MITF: variants seen among roughly 807,000 people sequenced by gnomAD.
The protein encoded by MITF is microphthalmia-associated transcription factor.
Under a neutral mutation model 60.5 loss-of-function variants are expected in MITF, and 17 were observed. That is an observed-to-expected ratio of 0.28 (90% CI 0.19 to 0.42). MITF has a LOEUF of 0.42. Ranked by LOEUF, MITF falls within the 10% of genes least tolerant of loss-of-function variation. The pLI is 1.00. For missense variants in MITF, 622 were observed against 683.5 expected (o/e 0.91, Z 1.00); for synonymous variants, 260 against 248.5 (o/e 1.05, Z -0.43).
intron 1 of MITF, among the ~76,000 whole-genome samples, chr3:69,835,168 C>A (rs2063521688): frequency 6.6e-6 from 1 of 151,908 alleles, no homozygotes; most frequent in African/African-American, 2.4e-5. Flanking sequence ...TAGGAGCATG[C>A]CACCACGCCT....
At chr3:69,780,490 G>A (rs945051953) in intron 1 of MITF, among the ~76,000 whole-genome samples, 18 of 152,144 alleles carry the variant, frequency 1.2e-4, no homozygotes, top group Non-Finnish European at 1.0e-4. Context: ...AAATTGAGTG[G>A]CTTAAAGAGA....
At chr3:69,768,147 G>A (rs2062330670) in intron 1 of MITF, among the ~76,000 whole-genome samples, 1 of 152,132 alleles carries the variant, frequency 6.6e-6, no homozygotes, top group Non-Finnish European at 1.5e-5. Flanking sequence ...TCTTTATAAG[G>A]TGCATGAGCA....
chr3:69,813,622 G>C (rs556044609), intron 1 of MITF, among the ~76,000 whole-genome samples: 2 of 152,210 alleles, frequency 1.3e-5, no homozygotes, highest in East Asian at 3.9e-4. Context: ...CGCAGCTTTT[G>C]TATATTTGAG....
chr3:69,900,380 TC>T, intron 2 of MITF, among the ~76,000 whole-genome samples: 1 of 152,314 alleles, frequency 6.6e-6, no homozygotes, highest in Admixed American at 6.5e-5. Context: ...CCAACTCTCT[TC>T]CTTTTGCTTG....
At position 69,889,006 on chromosome 3, in the gene MITF, G is replaced by A. The variant is rs1026711282; in HGVS notation, c.354+9623G>A. Among the ~76,000 whole-genome samples the A allele has an allele frequency of 2.8e-5, 4 of 142,670 alleles. No homozygotes were observed. In the East Asian group the frequency reaches 6.4e-4, roughly 23 times the overall value. The allele number at this position is 142,670 out of a possible 152,430, so 93.6% of individuals were successfully genotyped here. ...TTGAATCCTTCGTCTGGTAAGACAGGCTGTAGTAATAGCCTTTGGTTTTTT... is the reference window on the plus strand; with the variant it reads ...TTGAATCCTTCGTCTGGTAAGACAGACTGTAGTAATAGCCTTTGGTTTTTT... On this transcript the variant is annotated intron_variant, in intron 2 of 9. Coordinates refer to ENST00000352241, the MANE Select transcript of MITF (RefSeq NM_001354604.2).
At chr3:69,777,474 A>G (rs2062492826) in intron 1 of MITF, among the ~76,000 whole-genome samples, 1 of 152,236 alleles carries the variant, frequency 6.6e-6, no homozygotes, top group African/African-American at 2.4e-5. Context: ...GGAAGAAAAA[A>G]CAGTGATTAT....
chr3:69,929,028 C>T (rs74688855), intron 2 of MITF, among the ~76,000 whole-genome samples: 15 of 152,160 alleles, frequency 9.9e-5, no homozygotes, highest in African/African-American at 3.6e-4. Flanking sequence ...ACTGCCTGGC[C>T]TGAAGACTTA....
At chr3:69,826,354 G>A (rs2063354116) in intron 1 of MITF, among the ~76,000 whole-genome samples, 1 of 152,122 alleles carries the variant, frequency 6.6e-6, no homozygotes, top group Non-Finnish European at 1.5e-5. Flanking sequence ...GATTATGTTT[G>A]GGAAATTGAT....
intron 1 of MITF, among the ~76,000 whole-genome samples, chr3:69,834,873 A>G (rs1559661415): frequency 7.2e-6 from 1 of 138,618 alleles, no homozygotes; most frequent in East Asian, 2.0e-4. Flanking sequence ...GATAGTAGCC[A>G]TTCTAACTGG....
chr3:69,815,907 T>C (rs2063174214), intron 1 of MITF, among the ~76,000 whole-genome samples: 1 of 152,212 alleles, frequency 6.6e-6, no homozygotes, highest in Non-Finnish European at 1.5e-5. Context: ...TTAAATTTTC[T>C]GAGAGTGGAT....
At chr3:69,953,629 G>A (rs980136811) in intron 7 of MITF, among the ~76,000 whole-genome samples, 7 of 141,984 alleles carry the variant, frequency 4.9e-5, no homozygotes, top group African/African-American at 1.9e-4. Flanking sequence ...ATATATGTGT[G>A]TATATATATA....
In MITF at chr3:69,757,677, C is replaced by T. The variant is rs190703389; in HGVS notation, c.104+17976C>T. Among the ~76,000 whole-genome samples the T allele has an allele frequency of 1.1e-4, 16 of 152,224 alleles. No individual in the cohort carries two copies. The East Asian group carries it at 3.1e-3, about 29-fold the overall frequency. ...GAAAAAAAACAGTTTGGGACATTTT[C>T]AGAATAGATATATTTCTTGAGTATC... is the stretch of plus-strand genomic sequence containing the variant. On this transcript the variant is annotated intron_variant, in intron 1 of 9. Coordinates refer to ENST00000352241, the MANE Select transcript of MITF (RefSeq NM_001354604.2).
chr3:69,773,100 C>A (rs917340402), intron 1 of MITF, among the ~76,000 whole-genome samples: 12 of 151,890 alleles, frequency 7.9e-5, no homozygotes, highest in Admixed American at 7.2e-4. Context: ...GAGAAAAGAC[C>A]CAAAGAAGAT....
At chr3:69,754,664 A>AT (rs993322147) in intron 1 of MITF, among the ~76,000 whole-genome samples, 49 of 148,692 alleles carry the variant, frequency 3.3e-4, no homozygotes, top group Admixed American at 8.7e-4. Context: ...AGTCTCAGGT[A>AT]TTTTTTTTTG....
chr3:69,827,046 C>G (rs1329590920), intron 1 of MITF, among the ~76,000 whole-genome samples: 2 of 152,054 alleles, frequency 1.3e-5, no homozygotes, highest in Non-Finnish European at 2.9e-5. Context: ...TCAGTTTTTG[C>G]TGTTGTATTA....
intron 1 of MITF, among the ~76,000 whole-genome samples, chr3:69,799,589 T>C (rs1340393547): frequency 6.6e-6 from 1 of 152,182 alleles, no homozygotes; most frequent in Non-Finnish European, 1.5e-5. Context: ...AGCCTTTGTT[T>C]TGTCTTCCTT....
intron 2 of MITF, among the ~76,000 whole-genome samples, chr3:69,888,443 T>C (rs2107309790): frequency 6.6e-6 from 1 of 151,922 alleles, no homozygotes; most frequent in African/African-American, 2.4e-5. Context: ...AAAGAAATCT[T>C]ACCTTGAGTA....
At chr3:69,910,876 G>A (rs1030016128) in intron 2 of MITF, among the ~76,000 whole-genome samples, 2 of 152,110 alleles carry the variant, frequency 1.3e-5, no homozygotes, top group African/African-American at 4.8e-5. Context: ...TTGGGTTAAT[G>A]CTGAAATGAG....
chr3:69,894,971 G>A (rs1468984547), intron 2 of MITF, among the ~76,000 whole-genome samples: 1 of 152,112 alleles, frequency 6.6e-6, no homozygotes, highest in Non-Finnish European at 1.5e-5. Context: ...AATCAAACAT[G>A]CCTCTGCATG....
Sources: allele counts gnomAD v4.1 joint callset (sites outside exome capture counted in the v4.1 genomes callset), GRCh38; gene constraint gnomAD v4.1.1; transcripts MANE v1.5; gene names NCBI Gene and HGNC (gene_info 2026-07-23, HGNC 2026-07-21).